CDC42SE2: variants seen among roughly 807,000 people sequenced by gnomAD.
CDC42SE2 encodes the protein CDC42 small effector protein 2.
Under a neutral mutation model 11.5 loss-of-function variants are expected in CDC42SE2, and 3 were observed. The observed-to-expected ratio is 0.26, with a 90% CI of 0.12 to 0.67. The LOEUF is 0.67. Among genes scored for constraint, CDC42SE2 ranks in the 30% least tolerant of loss-of-function variants. The pLI, the probability that CDC42SE2 is intolerant of heterozygous loss-of-function variation, is 0.80. For synonymous variants in CDC42SE2, 33 were observed against 34.8 expected (o/e 0.95, Z 0.18); for missense variants, 82 against 106.8 (o/e 0.77, Z 1.02).
intron 4 of CDC42SE2, among the ~76,000 whole-genome samples, chr5:131,389,619 A>G (rs1750589759): frequency 6.6e-6 from 1 of 152,374 alleles, no homozygotes; most frequent in East Asian, 1.9e-4. Flanking sequence ...AATGAGTTAG[A>G]CAAGTCTTAC....
At chr5:131,338,040 C>T (rs957991568) in intron 2 of CDC42SE2, among the ~76,000 whole-genome samples, 46 of 152,326 alleles carry the variant, frequency 3.0e-4, no homozygotes, top group African/African-American at 1.0e-3. Flanking sequence ...CCATCTTCTG[C>T]GTCGCTCACG....
intron 3 of CDC42SE2, among the ~76,000 whole-genome samples, chr5:131,374,589 T>G (rs1440990400): frequency 6.6e-6 from 1 of 151,958 alleles, no homozygotes; most frequent in African/African-American, 2.4e-5. Flanking sequence ...TGACAGAATT[T>G]TTTTTTTTAA....
At chr5:131,337,935 G>A (rs888699676) in intron 2 of CDC42SE2, among the ~76,000 whole-genome samples, 1 of 152,316 alleles carries the variant, frequency 6.6e-6, no homozygotes, top group Admixed American at 6.5e-5. Flanking sequence ...GCGATGCCTC[G>A]CCCTGCTTCC....
intron 1 of CDC42SE2, among the ~76,000 whole-genome samples, chr5:131,297,912 T>G (rs1031124422): frequency 1.3e-5 from 2 of 152,006 alleles, no homozygotes; most frequent in Non-Finnish European, 2.9e-5. Context: ...CTATTTCCAA[T>G]CTTAATGACA....
At chr5:131,374,582 CAG>C (rs1750098631) in intron 3 of CDC42SE2, among the ~76,000 whole-genome samples, 1 of 141,474 alleles carries the variant, frequency 7.1e-6, no homozygotes, top group Non-Finnish European at 1.5e-5. Flanking sequence ...AAATTTGTGA[CAG>C]AATTTTTTTT....
At chr5:131,231,844 T>C in the CDC42SE2 span, among the ~76,000 whole-genome samples, 1 of 151,154 alleles carries the variant, frequency 6.6e-6, no homozygotes, top group African/African-American at 2.4e-5. Context: ...CAGGCTGGAG[T>C]GTGGTGGCAC....
intron 2 of CDC42SE2, among the ~76,000 whole-genome samples, chr5:131,349,642 C>T (rs1012948731): frequency 6.6e-6 from 1 of 152,108 alleles, no homozygotes; most frequent in Non-Finnish European, 1.5e-5. Context: ...GTGTTTTGAG[C>T]ATGATCCAAA....
At chr5:131,273,727 C>G (rs368393214) in intron 1 of CDC42SE2, among the ~76,000 whole-genome samples, 2 of 150,264 alleles carry the variant, frequency 1.3e-5, no homozygotes, top group African/African-American at 4.9e-5. Flanking sequence ...GAGCCAAGAT[C>G]GCACCACTGC....
intron 1 of CDC42SE2, among the ~76,000 whole-genome samples, chr5:131,285,881 A>G (rs761062319): frequency 3.9e-5 from 6 of 152,058 alleles, no homozygotes; most frequent in Non-Finnish European, 5.9e-5. Context: ...GGCTATCACA[A>G]TTGTTTCTAA....
chr5:131,334,303 A>G (rs1758499171), intron 2 of CDC42SE2, among the ~76,000 whole-genome samples: 1 of 152,220 alleles, frequency 6.6e-6, no homozygotes, highest in Admixed American at 6.5e-5. Context: ...CTTGCATCCC[A>G]GGGAGGAAGC....
the CDC42SE2 span, among the ~76,000 whole-genome samples, chr5:131,240,192 A>G: frequency 2.6e-5 from 4 of 152,214 alleles, no homozygotes; most frequent in Non-Finnish European, 2.9e-5. Context: ...AGTTTTCTAA[A>G]TTTAAAAATT....
the CDC42SE2 span, among the ~76,000 whole-genome samples, chr5:131,234,555 G>T: frequency 1.3e-5 from 2 of 151,446 alleles, no homozygotes. Context: ...AGAATTGCTT[G>T]AACCTGGGCG....
intron 1 of CDC42SE2, among the ~76,000 whole-genome samples, chr5:131,274,533 T>C (rs1580724936): frequency 6.6e-6 from 1 of 152,246 alleles, no homozygotes; most frequent in East Asian, 1.9e-4. Flanking sequence ...TTCTGCTGTT[T>C]TCTGTTCTCA....
At chr5:131,272,724 T>C (rs1182958269) in intron 1 of CDC42SE2, among the ~76,000 whole-genome samples, 1 of 152,218 alleles carries the variant, frequency 6.6e-6, no homozygotes, top group East Asian at 1.9e-4. Flanking sequence ...CATCTTCCTT[T>C]AGTTACTCCT....
chr5:131,319,479 T>C (rs1758115635), intron 2 of CDC42SE2, among the ~76,000 whole-genome samples: 1 of 152,182 alleles, frequency 6.6e-6, no homozygotes, highest in Non-Finnish European at 1.5e-5. Context: ...GAGCTTGCAC[T>C]CTGTATACTG....
chr5:131,338,842 C>G (rs1389675933), intron 2 of CDC42SE2, among the ~76,000 whole-genome samples: 1 of 152,120 alleles, frequency 6.6e-6, no homozygotes, highest in Non-Finnish European at 1.5e-5. Flanking sequence ...CATATAATAT[C>G]CATGTGGTAC....
At chr5:131,346,485 G>A (rs1758847653) in intron 2 of CDC42SE2, among the ~76,000 whole-genome samples, 1 of 152,178 alleles carries the variant, frequency 6.6e-6, no homozygotes, top group Admixed American at 6.5e-5. Flanking sequence ...TAATACAGGA[G>A]TACCCAGATT....
chr5:131,365,310 A>G (rs1223964449), intron 3 of CDC42SE2, among the ~76,000 whole-genome samples: 1 of 152,028 alleles, frequency 6.6e-6, no homozygotes, highest in African/African-American at 2.4e-5. Context: ...AAAAAAAGAA[A>G]ACATCAAAGT....
chr5:131,385,677 A>C, intron 4 of CDC42SE2, 33 bp downstream of exon 4: 1 of 1,346,216 alleles, frequency 7.4e-7, no homozygotes, highest in Non-Finnish European at 1.1e-6. Context: ...CAGGTAGGGC[A>C]TTGGGGCATA....
Sources: gnomAD v4.1 joint callset for allele counts (sites outside exome capture counted in the v4.1 genomes callset) on GRCh38, gnomAD v4.1.1 for gene constraint, MANE v1.5 for transcripts, NCBI Gene and HGNC (gene_info 2026-07-23, HGNC 2026-07-21) for gene names.